Variants in PRKCE observed in about 807,000 individuals in gnomAD.
PRKCE encodes the protein protein kinase C epsilon type.
PRKCE carries 16 observed loss-of-function variants against 85.4 expected under a neutral mutation model. The ratio of observed to expected loss-of-function variants is 0.19; its 90% CI spans 0.13 to 0.28. The LOEUF (loss-of-function observed/expected upper bound fraction) is 0.28. Ranked by LOEUF, PRKCE falls within the 10% of genes least tolerant of loss-of-function variation. PRKCE has a pLI of 1.00. For synonymous variants in PRKCE, 388 were observed against 371.5 expected, an observed-to-expected ratio of 1.04 and a Z score of -0.51; for missense variants, 573 against 975.2, an observed-to-expected ratio of 0.59 and a Z score of 5.49.
chr2:46,038,251 C>T (rs1053568511), intron 10 of PRKCE, among the ~76,000 whole-genome samples: 2 of 152,126 alleles, frequency 1.3e-5, no homozygotes, highest in African/African-American at 4.8e-5. Flanking sequence ...GCAAACGCCA[C>T]ACTATTGCAG....
At chr2:45,817,379 A>G (rs189934198) in intron 1 of PRKCE, among the ~76,000 whole-genome samples, 51 of 152,278 alleles carry the variant, frequency 3.3e-4, no homozygotes, top group African/African-American at 1.2e-3. Context: ...AAGTCTTATC[A>G]TGAATCAAAT....
At chr2:46,179,846 C>A (rs1010906952) in intron 14 of PRKCE, among the ~76,000 whole-genome samples, 4 of 152,154 alleles carry the variant, frequency 2.6e-5, no homozygotes, top group Non-Finnish European at 5.9e-5. Flanking sequence ...GCCATCCCCC[C>A]CAACTCCCTG....
chr2:45,686,335 G>C (rs1354282249), intron 1 of PRKCE: 1 of 152,134 alleles, frequency 6.6e-6, no homozygotes, highest in African/African-American at 2.4e-5. Flanking sequence ...GGGGCTTAGG[G>C]GGTCATGCTG....
chr2:45,697,537 G>A lies in PRKCE; in HGVS notation c.348+45089G>A, dbSNP rs1482714980. On this transcript the variant is annotated intron_variant, in intron 1 of 14. Coordinates refer to ENST00000306156, the MANE Select transcript of PRKCE (RefSeq NM_005400.3). This position sits in a 1 kb window ranked among gnomAD's most constrained non-coding sequence, Gnocchi z 4.2. Reference sequence around the variant, plus strand: ...ATTGGAGGGACAGAGAACAGGCTCTGCTCTTCACTCAGGGTGGACTGGTTG... The same window carrying A: ...ATTGGAGGGACAGAGAACAGGCTCTACTCTTCACTCAGGGTGGACTGGTTG... 6.6e-6 allele frequency among the ~76,000 whole-genome samples: 1 copy of A among 152,172 alleles called. No individual in the cohort carries two copies. The highest frequency in any genetic ancestry group is 1.5e-5 in the Non-Finnish European group (1 of 68,040).
intron 1 of PRKCE, among the ~76,000 whole-genome samples, chr2:45,695,339 A>G (rs760853070): frequency 6.6e-6 from 1 of 152,208 alleles, no homozygotes; most frequent in Non-Finnish European, 1.5e-5. Flanking sequence ...GGCTGGAGGT[A>G]GAGAGGTCAA....
At chr2:45,854,969 A>C (rs903608534) in intron 2 of PRKCE, among the ~76,000 whole-genome samples, 2 of 152,230 alleles carry the variant, frequency 1.3e-5, no homozygotes, top group Non-Finnish European at 2.9e-5. Context: ...CCAGCAGTTA[A>C]ATATACTCAA....
intron 10 of PRKCE, among the ~76,000 whole-genome samples, chr2:46,055,836 T>C (rs1666530988): frequency 6.6e-6 from 1 of 152,110 alleles, no homozygotes; most frequent in African/African-American, 2.4e-5. Flanking sequence ...CTAATTTGTA[T>C]AGTTTTGTTA....
intron 2 of PRKCE, among the ~76,000 whole-genome samples, chr2:45,863,709 C>G (rs1009461674): frequency 6.6e-6 from 1 of 152,070 alleles, no homozygotes; most frequent in Non-Finnish European, 1.5e-5. Flanking sequence ...ACCTGGCCAG[C>G]TCTTCCTGGC....
intron 11 of PRKCE, among the ~76,000 whole-genome samples, chr2:46,116,748 G>GA (rs5830889): frequency 5.3e-5 from 8 of 151,628 alleles, no homozygotes; most frequent in South Asian, 2.1e-4. Context: ...CCTGTTCGGA[G>GA]AAAAAAAAAG....
At chr2:45,671,256 T>A (rs1254213943) in intron 1 of PRKCE, among the ~76,000 whole-genome samples, 2 of 152,200 alleles carry the variant, frequency 1.3e-5, no homozygotes, top group Non-Finnish European at 2.9e-5. Flanking sequence ...ATTAAGATAT[T>A]CCTCTTAATT....
At chr2:46,049,536 G>A (rs901492421) in intron 10 of PRKCE, among the ~76,000 whole-genome samples, 1 of 152,210 alleles carries the variant, frequency 6.6e-6, no homozygotes, top group South Asian at 2.1e-4. Flanking sequence ...AGCCAAGGTA[G>A]TTTCTGCCTG....
chr2:45,973,955 C>T (rs539507960), intron 2 of PRKCE, among the ~76,000 whole-genome samples: 12 of 152,228 alleles, frequency 7.9e-5, no homozygotes, highest in East Asian at 5.8e-4. Context: ...CATTAGGAGA[C>T]GGGCTTACTG....
chr2:46,039,685 A>C lies in PRKCE; in HGVS notation c.1437+29168A>C, dbSNP rs183160040. Among the ~76,000 whole-genome samples, 23 of 152,290 alleles carry C rather than the reference A, an allele frequency of 1.5e-4. No homozygotes were observed. In the East Asian group the frequency reaches 2.7e-3, roughly 18 times the overall value. On this transcript the variant is annotated intron_variant, in intron 10 of 14. Transcript: ENST00000306156. ...CCTCTTCCAGAAGCCTACTCTGGCT[A>C]ATGTCCTCTAAAGTGTTTTTCCTGT...
Position 46,093,437 on chromosome 2 carries a change from C to T in PRKCE, c.1592+7075C>T, listed in dbSNP as rs373560713. Among the ~76,000 whole-genome samples the T allele has an allele frequency of 1.4e-4, 21 of 151,440 alleles. No individual in the cohort carries two copies. The East Asian group carries it at 2.7e-3, about 20-fold the overall frequency. On this transcript the variant is annotated intron_variant, in intron 11 of 14. Coordinates refer to ENST00000306156, the MANE Select transcript of PRKCE (RefSeq NM_005400.3). ...TTTTTGCCTTCCCTCCCCTCAATTT[C>T]CCCTTCCAAAGAAGCAACCACATTC...
intron 2 of PRKCE, among the ~76,000 whole-genome samples, chr2:45,944,340 A>G (rs769833603): frequency 1.3e-5 from 2 of 152,212 alleles, no homozygotes; most frequent in Non-Finnish European, 2.9e-5. Context: ...CATGAGCTCT[A>G]CAGGAAATGC....
chr2:45,776,383 G>T (rs1198450355), intron 1 of PRKCE, among the ~76,000 whole-genome samples: 1 of 152,142 alleles, frequency 6.6e-6, no homozygotes, highest in East Asian at 1.9e-4. Context: ...AGTAGGCGTT[G>T]GTGGACTTGA....
chr2:45,834,498 A>G (rs1690688129), intron 1 of PRKCE, among the ~76,000 whole-genome samples: 1 of 152,176 alleles, frequency 6.6e-6, no homozygotes, highest in Non-Finnish European at 1.5e-5. Context: ...TCCTCCTGTC[A>G]TGTCCATCTC....
At chr2:45,944,937 A>T (rs1279743122) in intron 2 of PRKCE, among the ~76,000 whole-genome samples, 1 of 151,918 alleles carries the variant, frequency 6.6e-6, no homozygotes, top group Non-Finnish European at 1.5e-5. Flanking sequence ...GAGTGGGGAC[A>T]CCTGTTTTTG....
Position 45,820,046 on chromosome 2 carries a change from A to T in PRKCE, c.349-22954A>T, listed in dbSNP as rs932408487. On this transcript the variant is annotated intron_variant, in intron 1 of 14. Transcript: ENST00000306156. ...ATTGCAGTACTTTTACAGGACTGAGATGAGCTCAGAGCAAAATAAAGGAGG... is the reference window on the plus strand; with the variant it reads ...ATTGCAGTACTTTTACAGGACTGAGTTGAGCTCAGAGCAAAATAAAGGAGG... Among the ~76,000 whole-genome samples the T allele has an allele frequency of 5.3e-5, 8 of 152,156 alleles. 1 individual carries two copies. Among genetic ancestry groups the T allele is most frequent in the African/African-American group, 1.4e-4 (6 of 41,426 alleles).
Sources: allele counts gnomAD v4.1 joint callset (sites outside exome capture counted in the v4.1 genomes callset), GRCh38; gene constraint gnomAD v4.1.1; non-coding constraint Gnocchi (gnomAD v3.1); transcripts MANE v1.5; gene names NCBI Gene and HGNC (gene_info 2026-07-23, HGNC 2026-07-21).